GNPDA2: variants seen among roughly 807,000 people sequenced by gnomAD.
The protein encoded by GNPDA2 is glucosamine-6-phosphate deaminase 2.
In GNPDA2, 24 loss-of-function variants were observed where a neutral mutation model predicts 27.0. That is an observed-to-expected ratio of 0.89 (90% confidence interval 0.64 to 1.25). The LOEUF (loss-of-function observed/expected upper bound fraction) is 1.25, where lower values mean the gene tolerates loss of function less well. Ranked by LOEUF, GNPDA2 falls within the 50% of genes most tolerant of loss-of-function variation. The pLI, the probability that GNPDA2 is intolerant of heterozygous loss-of-function variation, is 0.00. For synonymous variants in GNPDA2, 94 were observed against 108.4 expected (o/e 0.87, Z 0.83); for missense variants, 286 against 335.1 (o/e 0.85, Z 1.14).
intron 1 of GNPDA2, among the ~76,000 whole-genome samples, chr4:44,726,206 A>G (rs967350823): frequency 2.8e-4 from 42 of 152,118 alleles, no homozygotes; most frequent in African/African-American, 9.9e-4. Context: ...TAACGAGTGT[A>G]GAGAGAGGTG....
chr4:44,718,706 T>C (rs1410937133), intron 2 of GNPDA2, among the ~76,000 whole-genome samples: 1 of 151,802 alleles, frequency 6.6e-6, no homozygotes, highest in African/African-American at 2.4e-5. Flanking sequence ...GCTTCTAGAA[T>C]ATATAACTGA....
chr4:44,719,622 C>G (rs977891282), intron 2 of GNPDA2, among the ~76,000 whole-genome samples: 1 of 152,028 alleles, frequency 6.6e-6, no homozygotes, highest in African/African-American at 2.4e-5. Flanking sequence ...TGCTTTCCCT[C>G]TTCCTTTCTC....
At chr4:44,713,713 CCACTA>C (rs918021002) in intron 4 of GNPDA2, among the ~76,000 whole-genome samples, 1 of 152,008 alleles carries the variant, frequency 6.6e-6, no homozygotes, top group Non-Finnish European at 1.5e-5. Flanking sequence ...AACCCCATCT[CCACTA>C]AAGATACAAA....
chr4:44,722,063 A>G, intron 2 of GNPDA2, 21 bp downstream of exon 2: 2 of 1,554,492 alleles, frequency 1.3e-6, no homozygotes, highest in Non-Finnish European at 1.8e-6. Flanking sequence ...AGAATATAAA[A>G]TGGAAAAAGT....
chr4:44,703,393 C>A, intron 6 of GNPDA2: 1 of 1,204,070 alleles, frequency 8.3e-7, no homozygotes, highest in Non-Finnish European at 1.0e-6. Context: ...TTGGGAGTAA[C>A]CAGAAGAGCA....
chr4:44,715,526 C>T (rs1717231149), intron 4 of GNPDA2, among the ~76,000 whole-genome samples: 1 of 152,020 alleles, frequency 6.6e-6, no homozygotes. Context: ...TCCAGTAATT[C>T]TACCAGATTT....
intron 6 of GNPDA2, chr4:44,703,616 T>G: frequency 2.0e-6 from 2 of 982,840 alleles, no homozygotes; most frequent in African/African-American, 3.5e-5. Context: ...GCATGTGTAT[T>G]TATGACAAAG....
In GNPDA2 at chr4:44,704,840, G is replaced by A. The variant is rs192621010; in HGVS notation, c.770-1698C>T. ...ACCTTTGTCAAACTACTGAGGTGGAGCCTAAATACAAAGTAAGAGAAAAAA... is the reference window on the plus strand; with the variant it reads ...ACCTTTGTCAAACTACTGAGGTGGAACCTAAATACAAAGTAAGAGAAAAAA... On this transcript the variant is annotated intron_variant, in intron 6 of 6. Transcript: ENST00000295448. The A allele has an allele frequency of 6.9e-3, 6,766 of 982,584 alleles. 36 individuals carry two copies. The highest frequency in any genetic ancestry group is 7.6e-3 in the Non-Finnish European group (6,324 of 827,440). The allele number at this position is 982,584 out of a possible 1,614,324, so 60.9% of individuals were successfully genotyped here.
chr4:44,702,784 T>C lies in GNPDA2; in HGVS notation c.*297A>G. The C allele has an allele frequency of 8.3e-7, 1 of 1,209,082 alleles. No individual in the cohort carries two copies. The highest frequency in any genetic ancestry group is 1.0e-6 in the Non-Finnish European group (1 of 971,842). The allele number at this position is 1,209,082 out of a possible 1,614,324, so 74.9% of individuals were successfully genotyped here. On this transcript the variant is annotated 3_prime_UTR_variant, in exon 7 of 7. Coordinates refer to ENST00000295448, the MANE Select transcript of GNPDA2 (RefSeq NM_138335.3). ...CAAATGGTGCCTGATGTGGACACTC[T>C]ACCTTTAAAATGACTTTTTAAACAG... is the stretch of plus-strand genomic sequence containing the variant.
At chr4:44,709,840 T>C (rs1307438495) in intron 5 of GNPDA2, among the ~76,000 whole-genome samples, 1 of 150,388 alleles carries the variant, frequency 6.6e-6, no homozygotes, top group African/African-American at 2.4e-5. Flanking sequence ...CAGCCAGGCA[T>C]GGTGGTGTGC....
chr4:44,721,300 C>T (rs887169900), intron 2 of GNPDA2, among the ~76,000 whole-genome samples: 5 of 152,124 alleles, frequency 3.3e-5, no homozygotes, highest in African/African-American at 1.2e-4. Context: ...AAGGGACTTA[C>T]ACATACACTA....
intron 4 of GNPDA2, among the ~76,000 whole-genome samples, chr4:44,711,809 G>GTATATATATATATATATA (rs35046303): frequency 9.7e-6 from 1 of 103,348 alleles, no homozygotes; most frequent in Non-Finnish European, 2.4e-5. Context: ...TTGCAATCTA[G>GTATATATATATATATATA]TATATATATA....
chr4:44,724,733 T>A (rs2109728949), intron 1 of GNPDA2, among the ~76,000 whole-genome samples: 1 of 152,304 alleles, frequency 6.6e-6, no homozygotes, highest in South Asian at 2.1e-4. Flanking sequence ...GGAATCTAAA[T>A]GTCTTTAAGA....
intron 5 of GNPDA2, among the ~76,000 whole-genome samples, chr4:44,709,800 C>A (rs919716181): frequency 2.1e-4 from 30 of 145,428 alleles, no homozygotes; most frequent in African/African-American, 6.7e-4. Context: ...TTGTCACTTC[C>A]AAAAAAAAAA....
chr4:44,726,136 G>C (rs1488161721), intron 1 of GNPDA2, among the ~76,000 whole-genome samples: 2 of 152,156 alleles, frequency 1.3e-5, no homozygotes, highest in African/African-American at 4.8e-5. Context: ...CTGCGCGTTT[G>C]CCTGGCCCTC....
intron 1 of GNPDA2, among the ~76,000 whole-genome samples, chr4:44,723,006 GAACTA>G (rs1207032698): frequency 3.3e-5 from 5 of 152,040 alleles, no homozygotes; most frequent in Non-Finnish European, 5.9e-5. Context: ...AAAACAAAGT[GAACTA>G]AATAAACTGC....
In GNPDA2 at chr4:44,707,907, C is replaced by T. The variant is rs374507605; in HGVS notation, c.614G>A (p.Gly205Glu). The T allele has an allele frequency of 5.6e-6, 9 of 1,599,624 alleles. No individual in the cohort carries two copies. The highest frequency in any genetic ancestry group is 7.7e-6 in the Non-Finnish European group (9 of 1,171,656). Residue 205 changes from glycine to glutamate, a missense_variant, in exon 6 of 7, where the codon GGG (glycine) becomes GAG (glutamate). Transcript: ENST00000295448. ...DAREVMILIT[G>E]AHKAFALYKA... ...GTACAGGGCAAATGCCTTGTGTGCCCCTGTTATAAGGATCATTACCTGAAA... is the reference window on the plus strand; with the variant it reads ...GTACAGGGCAAATGCCTTGTGTGCCTCTGTTATAAGGATCATTACCTGAAA...
At chr4:44,719,448 A>G (rs554646616) in intron 2 of GNPDA2, among the ~76,000 whole-genome samples, 2 of 152,226 alleles carry the variant, frequency 1.3e-5, no homozygotes, top group South Asian at 4.1e-4. Flanking sequence ...AGACAAGGCT[A>G]TAAATAAATA....
intron 4 of GNPDA2, 46 bp from the exon 5 acceptor site, chr4:44,711,183 T>G (rs560658680): frequency 8.0e-7 from 1 of 1,242,910 alleles, no homozygotes; most frequent in South Asian, 2.3e-5. Flanking sequence ...GTAAATAGGT[T>G]TCACAAAGTT....
Sources: allele counts gnomAD v4.1 joint callset (sites outside exome capture counted in the v4.1 genomes callset), GRCh38; gene constraint gnomAD v4.1.1; transcripts MANE v1.5; gene names NCBI Gene and HGNC (gene_info 2026-07-23, HGNC 2026-07-21).